SAMD5: variants seen among roughly 807,000 people sequenced by gnomAD.
SAMD5 encodes the protein sterile alpha motif domain-containing protein 5.
In SAMD5, 13 loss-of-function variants were observed where a neutral mutation model predicts 11.3. The observed-to-expected ratio is 1.15, with a 90% CI of 0.75 to 1.83. The LOEUF (loss-of-function observed/expected upper bound fraction) is 1.83. SAMD5 is among the 40% of genes most tolerant of loss of function. The probability of loss-of-function intolerance (pLI) is 0.00; values close to 1 mark genes in which losing one functional copy is unlikely to be tolerated. For missense variants in SAMD5, 255 were observed against 239.1 expected (o/e 1.07, Z -0.44); for synonymous variants, 129 against 111.3 (o/e 1.16, Z -1.00).
chr6:147,526,803 C>T (rs144214757), intron 1 of SAMD5, among the ~76,000 whole-genome samples: 1,800 of 152,238 alleles, frequency 0.012, 12 homozygotes, highest in South Asian at 0.022. Context: ...CCACTTTGGG[C>T]GGCAATGGGA....
the SAMD5 span, among the ~76,000 whole-genome samples, chr6:147,892,637 T>G: frequency 6.6e-6 from 1 of 152,174 alleles, no homozygotes. Context: ...CCTTAGTGAA[T>G]GGCTCCAGTT....
At chr6:147,862,923 C>T in the SAMD5 span, among the ~76,000 whole-genome samples, 1 of 152,054 alleles carries the variant, frequency 6.6e-6, no homozygotes, top group African/African-American at 2.4e-5. Context: ...AGAAACTGCC[C>T]ATTGTACTGA....
the SAMD5 span, among the ~76,000 whole-genome samples, chr6:147,864,853 T>C: frequency 2.0e-5 from 3 of 152,306 alleles, no homozygotes; most frequent in East Asian, 5.8e-4. Context: ...CTAAGTATCA[T>C]TGTCTGTGCC....
At chr6:147,577,613 A>G (rs1293667981) in intron 1 of SAMD5, among the ~76,000 whole-genome samples, 1 of 152,144 alleles carries the variant, frequency 6.6e-6, no homozygotes, top group Non-Finnish European at 1.5e-5. Flanking sequence ...CCTTCCAAGT[A>G]CATTTGAAGA....
chr6:147,554,208 A>G (rs995143288), intron 1 of SAMD5, among the ~76,000 whole-genome samples: 27 of 152,152 alleles, frequency 1.8e-4, no homozygotes, highest in African/African-American at 6.5e-4. Context: ...CATGAGAACA[A>G]CAGTACGGGG....
At chr6:147,697,731 C>T (rs1419382045) in intron 1 of SAMD5, among the ~76,000 whole-genome samples, 1 of 152,110 alleles carries the variant, frequency 6.6e-6, no homozygotes, top group Non-Finnish European at 1.5e-5. Flanking sequence ...AATGAGAGAT[C>T]CAGCATCTCA....
chr6:147,912,634 C>T, the SAMD5 span, among the ~76,000 whole-genome samples: 3 of 152,158 alleles, frequency 2.0e-5, no homozygotes, highest in Non-Finnish European at 4.4e-5. Flanking sequence ...TTCATTACAT[C>T]AGTATTTGTA....
chr6:147,560,743 G>A lies in SAMD5; in HGVS notation c.460-3651G>A, dbSNP rs577952899. Reference sequence around the variant, plus strand: ...CTTAATTTTTAACCATAGGATAATAGTTTCTTTATTCATTGAATAACTTTT... The same window carrying A: ...CTTAATTTTTAACCATAGGATAATAATTTCTTTATTCATTGAATAACTTTT... On this transcript the variant is annotated intron_variant, in intron 1 of 1. Transcript: ENST00000367474. Among the ~76,000 whole-genome samples the A allele has an allele frequency of 8.5e-5, 13 of 152,260 alleles. No individual in the cohort carries two copies. The East Asian group carries it at 2.5e-3, about 29-fold the overall frequency.
the SAMD5 span, among the ~76,000 whole-genome samples, chr6:147,856,175 A>G: frequency 1.3e-5 from 2 of 152,218 alleles, no homozygotes; most frequent in African/African-American, 4.8e-5. Flanking sequence ...TCTATAACAC[A>G]AAGATGTGAG....
chr6:147,695,326 T>C (rs1296218485), intron 1 of SAMD5, among the ~76,000 whole-genome samples: 1 of 152,122 alleles, frequency 6.6e-6, no homozygotes, highest in Non-Finnish European at 1.5e-5. Context: ...TGATTTTTTT[T>C]CCATAAAACC....
chr6:147,841,779 G>C, the SAMD5 span, among the ~76,000 whole-genome samples: 1 of 152,174 alleles, frequency 6.6e-6, no homozygotes, highest in African/African-American at 2.4e-5. Flanking sequence ...TGGGGAGGGA[G>C]AGGTGATTTG....
intron 1 of SAMD5, among the ~76,000 whole-genome samples, chr6:147,514,164 G>A (rs1390379088): frequency 6.6e-6 from 1 of 152,056 alleles, no homozygotes; most frequent in Admixed American, 6.5e-5. Context: ...GAGGAGGTGC[G>A]AGGGAATTGT....
chr6:147,816,301 AATAT>A, the SAMD5 span, among the ~76,000 whole-genome samples: 109 of 66,354 alleles, frequency 1.6e-3, 2 homozygotes, highest in East Asian at 3.6e-3. Flanking sequence ...AAAAAAAAAA[AATAT>A]ATATATATAT....
chr6:147,716,484 G>A (rs1014047367), intron 1 of SAMD5, among the ~76,000 whole-genome samples: 14 of 152,242 alleles, frequency 9.2e-5, no homozygotes, highest in African/African-American at 2.2e-4. Context: ...CTGGGAAGGC[G>A]GGACTCCTGC....
chr6:147,665,687 A>T (rs553843935), intron 1 of SAMD5, among the ~76,000 whole-genome samples: 4 of 152,216 alleles, frequency 2.6e-5, no homozygotes, highest in African/African-American at 9.6e-5. Context: ...ATCAACAGAC[A>T]TAATTTCTGC....
the SAMD5 span, among the ~76,000 whole-genome samples, chr6:147,797,811 CGAGGA>C: frequency 3.4e-5 from 5 of 148,480 alleles, no homozygotes; most frequent in Non-Finnish European, 7.4e-5. Flanking sequence ...GTGTATGTGT[CGAGGA>C]ATGTATCCAT....
At chr6:147,850,819 A>ATGGCTAT in the SAMD5 span, among the ~76,000 whole-genome samples, 167 of 152,220 alleles carry the variant, frequency 1.1e-3, no homozygotes, top group African/African-American at 3.9e-3. Context: ...TTAGTCACCG[A>ATGGCTAT]GTAGCAGACT....
intron 1 of SAMD5, among the ~76,000 whole-genome samples, chr6:147,622,130 G>C (rs964096892): frequency 7.2e-5 from 11 of 152,264 alleles, no homozygotes; most frequent in African/African-American, 2.6e-4. Context: ...GCAGGGTACA[G>C]TCATCCCTCA....
intron 1 of SAMD5, among the ~76,000 whole-genome samples, chr6:147,616,172 T>A (rs1562334257): frequency 6.0e-5 from 7 of 116,976 alleles, no homozygotes; most frequent in Non-Finnish European, 1.2e-4. Flanking sequence ...ATTTCATATA[T>A]ATTTATTCAT....
Sources: allele counts gnomAD v4.1 joint callset (sites outside exome capture counted in the v4.1 genomes callset), GRCh38; gene constraint gnomAD v4.1.1; transcripts MANE v1.5; gene names NCBI Gene and HGNC (gene_info 2026-07-23, HGNC 2026-07-21).